Variants in PREX1 observed in about 807,000 individuals in gnomAD.
PREX1 encodes phosphatidylinositol 3,4,5-trisphosphate-dependent Rac exchanger 1 protein.
In PREX1, 41 loss-of-function variants were observed where a neutral mutation model predicts 198.3. The observed-to-expected ratio is 0.21, with a 90% CI of 0.16 to 0.27. The LOEUF is 0.27. Ranked by LOEUF, PREX1 falls within the 10% of genes least tolerant of loss-of-function variation. The probability of loss-of-function intolerance (pLI) is 1.00; values close to 1 mark genes in which losing one functional copy is unlikely to be tolerated. For synonymous variants in PREX1, 843 were observed against 887.2 expected, an observed-to-expected ratio of 0.95 and a Z score of 0.89; for missense variants, 1,620 against 2,200.7, an observed-to-expected ratio of 0.74 and a Z score of 5.28.
intron 1 of PREX1, among the ~76,000 whole-genome samples, chr20:48,764,966 C>A (rs949705177): frequency 6.6e-6 from 1 of 152,140 alleles, no homozygotes; most frequent in South Asian, 2.1e-4. Flanking sequence ...CCAGACCCCC[C>A]AGGAGCACAG....
chr20:48,670,430 G>A (rs529671510), intron 14 of PREX1, among the ~76,000 whole-genome samples: 10 of 152,246 alleles, frequency 6.6e-5, no homozygotes, highest in Middle Eastern at 3.4e-3. Context: ...ATCTGTGCCC[G>A]CCCCACACCT....
intron 21 of PREX1, 102 bp from the exon 22 acceptor site, chr20:48,651,685 A>G (rs777494604): frequency 1.6e-4 from 181 of 1,128,942 alleles, no homozygotes; most frequent in Non-Finnish European, 2.1e-4. Flanking sequence ...TGGGAACAGC[A>G]AGTGCAAAGG....
intron 1 of PREX1, among the ~76,000 whole-genome samples, chr20:48,799,330 A>G (rs955575031): frequency 9.2e-5 from 14 of 152,278 alleles, no homozygotes; most frequent in Non-Finnish European, 1.5e-4. Context: ...ACAGTCCCCA[A>G]GTGAGATCCC....
At chr20:48,804,807 T>A (rs1485525938) in intron 1 of PREX1, among the ~76,000 whole-genome samples, 3 of 151,618 alleles carry the variant, frequency 2.0e-5, no homozygotes, top group Admixed American at 6.6e-5. Context: ...TCCTGATGGG[T>A]TGGATGTGGG....
In PREX1 at chr20:48,734,421, CAGG is replaced by C. The variant is rs561463954; in HGVS notation, c.519+122_519+124del. 549 of 842,614 alleles carry C rather than the reference CAGG, an allele frequency of 6.5e-4. 4 individuals carry two copies. In the African/African-American group the frequency reaches 8.3e-3, roughly 13 times the overall value. The allele number at this position is 842,614 out of a possible 1,614,324, so 52.2% of individuals were successfully genotyped here. ...AAGGCTTGGCGATCCCTGCTTTAGGCAGGAGATTACCCCAGCCAAGGAAAGGAT... is the reference window on the plus strand; with the variant it reads ...AAGGCTTGGCGATCCCTGCTTTAGGCAGATTACCCCAGCCAAGGAAAGGAT... On this transcript the variant is annotated intron_variant, in intron 4 of 39. Coordinates refer to ENST00000371941, the MANE Select transcript of PREX1 (RefSeq NM_020820.4).
At chr20:48,854,841 G>A in the PREX1 span, among the ~76,000 whole-genome samples, 1 of 152,206 alleles carries the variant, frequency 6.6e-6, no homozygotes, top group Non-Finnish European at 1.5e-5. Context: ...CTTGAAGGGG[G>A]TTTCCAGAGG....
the PREX1 span, among the ~76,000 whole-genome samples, chr20:48,870,663 T>G: frequency 1.3e-5 from 2 of 152,134 alleles, no homozygotes; most frequent in Admixed American, 6.5e-5. Context: ...AAAATCATAT[T>G]TAGGCAGGGC....
rs932603646 is a variant in PREX1 at position 48,679,212 on chromosome 20, C to T, written c.1589+148G>A. 4.3e-6 allele frequency: 3 copies of T among 701,370 alleles called. No individual in the cohort carries two copies. In the Admixed American group the frequency reaches 7.9e-5, roughly 18 times the overall value. 43.4% of individuals were successfully genotyped at this position (701,370 alleles called of 1,614,324 possible). Reference sequence around the variant, plus strand: ...TTCCCACAATTTAATTCAGTTAATCCTAATGACAAATCTAAAGGATAGGTG... The same window carrying T: ...TTCCCACAATTTAATTCAGTTAATCTTAATGACAAATCTAAAGGATAGGTG... On this transcript the variant is annotated intron_variant, in intron 13 of 39. Transcript: ENST00000371941.
chr20:48,826,890 A>C (rs955807528), intron 1 of PREX1, among the ~76,000 whole-genome samples: 50 of 152,260 alleles, frequency 3.3e-4, no homozygotes, highest in African/African-American at 1.1e-3. Flanking sequence ...AAAATGGGGG[A>C]AATACTCGTC....
intron 3 of PREX1, among the ~76,000 whole-genome samples, chr20:48,735,224 T>A (rs997022986): frequency 6.6e-6 from 1 of 152,114 alleles, no homozygotes. Flanking sequence ...TTCCAGATGG[T>A]TCACAGAACC....
At chr20:48,824,960 G>C (rs548585182) in intron 1 of PREX1, among the ~76,000 whole-genome samples, 2 of 152,146 alleles carry the variant, frequency 1.3e-5, no homozygotes, top group Admixed American at 6.5e-5. Flanking sequence ...TAAAAGCAGG[G>C]AGGGATTACC....
upstream of PREX1, among the ~76,000 whole-genome samples, chr20:48,830,790 T>C (rs1434735162): frequency 6.6e-6 from 1 of 152,192 alleles, no homozygotes; most frequent in East Asian, 1.9e-4. Context: ...CTAAGAATAA[T>C]ATCAGTACCT....
rs1173918830 is a variant in PREX1, at chr20:48,734,538, C to T, written c.519+8G>A. 6.2e-7 allele frequency: 1 copy of T among 1,613,080 alleles called. No homozygotes were observed. ...CAAGGGAGCACCAGGGCTGACGGGT[C>T]AACTTACCAAAAGGAAGGCGCGCAC... On this transcript the variant is annotated splice_region_variant and intron_variant, in intron 4 of 39. Transcript: ENST00000371941.
the PREX1 span, among the ~76,000 whole-genome samples, chr20:48,835,035 G>A: frequency 1.3e-5 from 2 of 152,206 alleles, no homozygotes; most frequent in Non-Finnish European, 2.9e-5. Flanking sequence ...GATTACAGGT[G>A]TGAGCCACTG....
the PREX1 span, among the ~76,000 whole-genome samples, chr20:48,861,510 C>T: frequency 6.6e-6 from 1 of 152,208 alleles, no homozygotes; most frequent in Non-Finnish European, 1.5e-5. Flanking sequence ...GCTAGTGCTC[C>T]TCAGTTCCAC....
intron 15 of PREX1, among the ~76,000 whole-genome samples, chr20:48,662,321 C>G (rs1437207271): frequency 1.3e-5 from 2 of 152,196 alleles, no homozygotes; most frequent in African/African-American, 4.8e-5. Flanking sequence ...TTGTGGAAAA[C>G]AGCGTGGAAT....
At chr20:48,784,210 G>C (rs2090302147) in intron 1 of PREX1, among the ~76,000 whole-genome samples, 1 of 152,050 alleles carries the variant, frequency 6.6e-6, no homozygotes, top group African/African-American at 2.4e-5. Context: ...GGGCTCCAGG[G>C]GTTTTGCAAA....
At chr20:48,772,716 G>C (rs530607376) in intron 1 of PREX1, among the ~76,000 whole-genome samples, 3 of 152,314 alleles carry the variant, frequency 2.0e-5, no homozygotes, top group African/African-American at 7.2e-5. Flanking sequence ...GCTGGGCTAG[G>C]ACTCACCCTG....
chr20:48,832,649 A>G (rs916585561), upstream of PREX1, among the ~76,000 whole-genome samples: 6 of 152,170 alleles, frequency 3.9e-5, no homozygotes, highest in African/African-American at 1.4e-4. Flanking sequence ...TCAACGCTGG[A>G]CACACAGCCC....
Sources: gnomAD v4.1 joint callset for allele counts (sites outside exome capture counted in the v4.1 genomes callset) on GRCh38, gnomAD v4.1.1 for gene constraint, MANE v1.5 for transcripts, NCBI Gene and HGNC (gene_info 2026-07-23, HGNC 2026-07-21) for gene names.